The following MALRD1 variants were observed in gnomAD, a reference collection of about 807,000 sequenced individuals.
MALRD1 encodes the protein MAM and LDL-receptor class A domain-containing protein 1.
MALRD1 carries 247 observed loss-of-function variants against 242.1 expected under a neutral mutation model. The observed-to-expected ratio is 1.02, with a 90% CI of 0.92 to 1.13. The LOEUF is 1.13. Among genes scored for constraint, MALRD1 ranks in the 50% most tolerant of loss-of-function variants. The probability of loss-of-function intolerance (pLI) is 0.00; values close to 1 mark genes in which losing one functional copy is unlikely to be tolerated. For missense variants in MALRD1, 2,989 were observed against 2,533.1 expected (o/e 1.18, Z -3.86); for synonymous variants, 995 against 866.6 (o/e 1.15, Z -2.60).
chr10:19,085,996 A>G (rs1835656666), intron 2 of MALRD1, among the ~76,000 whole-genome samples: 1 of 152,048 alleles, frequency 6.6e-6, no homozygotes, highest in South Asian at 2.1e-4. Context: ...TCACTTGCTT[A>G]ACATTTGTTT....
At chr10:19,361,671 A>G (rs777792106) in intron 26 of MALRD1, among the ~76,000 whole-genome samples, 5 of 152,128 alleles carry the variant, frequency 3.3e-5, no homozygotes, top group African/African-American at 4.8e-5. Context: ...TGACTTCTGT[A>G]TTGGTAGTCG....
At chr10:19,439,379 T>A (rs1834506731) in intron 28 of MALRD1, among the ~76,000 whole-genome samples, 1 of 151,940 alleles carries the variant, frequency 6.6e-6, no homozygotes, top group African/African-American at 2.4e-5. Context: ...CAAAAATAAA[T>A]TTTAAAAATA....
chr10:19,648,920 C>T (rs961315986), intron 36 of MALRD1, among the ~76,000 whole-genome samples: 23 of 152,162 alleles, frequency 1.5e-4, no homozygotes, highest in African/African-American at 5.5e-4. Flanking sequence ...ACCCTGGTGC[C>T]CGTTGTTTCC....
In MALRD1 at chr10:19,615,913, C is replaced by G; in HGVS notation, c.6127C>G (p.Pro2043Ala). Residue 2043 changes from proline (P) to alanine (A), a missense_variant, in exon 36 of 40, where the codon CCT (proline) becomes GCT (alanine). Physicochemically the swap from Pro to Ala is conservative, Grantham distance 27. Transcript: ENST00000454679. ...GGTCVVEKNG[P>A]MCRCRQGWKG... The stretch of plus-strand genomic sequence containing the variant: ...GACTTGTGTAGTGGAGAAAAATGGT[C>G]CTATGTGTCGGTAAGAAGCATTGTT... 6.5e-7 allele frequency: 1 copy of G among 1,528,438 alleles called. No homozygotes were observed. Among genetic ancestry groups the G allele is most frequent in the Non-Finnish European group, 8.7e-7 (1 of 1,143,068 alleles). The allele number at this position is 1,528,438 out of a possible 1,614,324, so 94.7% of individuals were successfully genotyped here.
intron 29 of MALRD1, among the ~76,000 whole-genome samples, chr10:19,455,314 A>G (rs765029585): frequency 6.6e-6 from 1 of 152,200 alleles, no homozygotes; most frequent in Non-Finnish European, 1.5e-5. Flanking sequence ...GAAATTTCAG[A>G]ACGTTACTTA....
At chr10:19,244,173 T>C (rs1171061599) in intron 18 of MALRD1, among the ~76,000 whole-genome samples, 2 of 152,216 alleles carry the variant, frequency 1.3e-5, no homozygotes, top group African/African-American at 4.8e-5. Context: ...TCACATCATG[T>C]TGTTTACATG....
intron 2 of MALRD1, among the ~76,000 whole-genome samples, chr10:19,080,743 G>A (rs1397814303): frequency 6.6e-6 from 1 of 151,944 alleles, no homozygotes; most frequent in Non-Finnish European, 1.5e-5. Context: ...GAAAGCAATA[G>A]CACCAAAAGC....
chr10:19,221,926 G>A (rs1442404283), intron 18 of MALRD1, among the ~76,000 whole-genome samples: 3 of 152,224 alleles, frequency 2.0e-5, no homozygotes, highest in East Asian at 3.9e-4. Context: ...AAGAAAACAC[G>A]TGGATTTGTG....
chr10:19,082,083 T>A (rs1267747799), intron 2 of MALRD1, among the ~76,000 whole-genome samples: 1 of 151,862 alleles, frequency 6.6e-6, no homozygotes, highest in Non-Finnish European at 1.5e-5. Flanking sequence ...CTTATTTTTT[T>A]CTTATTACTC....
At chr10:19,370,715 C>T (rs949192746) in intron 26 of MALRD1, among the ~76,000 whole-genome samples, 1 of 151,880 alleles carries the variant, frequency 6.6e-6, no homozygotes, top group African/African-American at 2.4e-5. Context: ...GTACCTGAAA[C>T]TACAGGGACA....
At chr10:19,119,372 C>T (rs975123968) in intron 5 of MALRD1, among the ~76,000 whole-genome samples, 1 of 152,128 alleles carries the variant, frequency 6.6e-6, no homozygotes, top group African/African-American at 2.4e-5. Context: ...TCACGCAGAG[C>T]CGGCTATGTG....
At chr10:19,531,500 T>A in intron 32 of MALRD1, 149 bp downstream of exon 32, 1 of 780,986 alleles carries the variant, frequency 1.3e-6, no homozygotes, top group Non-Finnish European at 1.9e-6. Flanking sequence ...CAGTGGGACT[T>A]TGGCAAGCTG....
chr10:19,324,616 A>G (rs1843041133), intron 22 of MALRD1, among the ~76,000 whole-genome samples: 1 of 151,900 alleles, frequency 6.6e-6, no homozygotes, highest in Non-Finnish European at 1.5e-5. Context: ...TTTTAAAAAA[A>G]AACGAGTTGT....
chr10:19,520,774 C>T (rs1194516175), intron 31 of MALRD1, among the ~76,000 whole-genome samples: 1 of 152,108 alleles, frequency 6.6e-6, no homozygotes, highest in African/African-American at 2.4e-5. Flanking sequence ...TGATTATCTA[C>T]AGCTGCTCTA....
intron 26 of MALRD1, among the ~76,000 whole-genome samples, chr10:19,383,388 T>C (rs1360216064): frequency 6.6e-6 from 1 of 152,176 alleles, no homozygotes; most frequent in African/African-American, 2.4e-5. Flanking sequence ...AATCTCATTC[T>C]ATTTTATAGT....
At chr10:19,306,705 A>T (rs1030211572) in intron 21 of MALRD1, among the ~76,000 whole-genome samples, 4 of 151,362 alleles carry the variant, frequency 2.6e-5, no homozygotes, top group African/African-American at 7.3e-5. Flanking sequence ...AAGAGGTTTA[A>T]TTGACTCACA....
At position 19,133,896 on chromosome 10, in the gene MALRD1, G is replaced by A. The variant is rs1833216815; in HGVS notation, c.1151G>A (p.Ser384Asn). 3 of 1,230,982 alleles carry A rather than the reference G, an allele frequency of 2.4e-6. No individual in the cohort carries two copies. Among genetic ancestry groups the A allele is most frequent in the Non-Finnish European group, 3.0e-6 (3 of 987,556 alleles). 76.3% of individuals were successfully genotyped at this position (1,230,982 alleles called of 1,614,324 possible). Residue 384 changes from serine (S) to asparagine (N), a missense_variant, in exon 9 of 40, where the codon AGC (serine) becomes AAC (asparagine). By Grantham distance (46) the Ser-to-Asn change is conservative. Coordinates refer to ENST00000454679, the MANE Select transcript of MALRD1 (RefSeq NM_001142308.3). ...TGGACATACAACATATCAACTCACA[G>A]CCAATGGGTGAAAGCAGATGTGTTA... ...IFWTYNISTH[S>N]QWVKADVLIP...
intron 2 of MALRD1, among the ~76,000 whole-genome samples, chr10:19,070,464 C>T (rs1835109778): frequency 6.6e-6 from 1 of 152,048 alleles, no homozygotes; most frequent in Admixed American, 6.6e-5. Flanking sequence ...GCAGAAAAAT[C>T]CTAAGTGGAA....
chr10:19,523,804 G>A (rs1335273332), intron 31 of MALRD1, among the ~76,000 whole-genome samples: 1 of 151,762 alleles, frequency 6.6e-6, no homozygotes, highest in Non-Finnish European at 1.5e-5. Context: ...CTTCATTTTT[G>A]TATCAGATTA....
Sources: gnomAD v4.1 joint callset for allele counts (sites outside exome capture counted in the v4.1 genomes callset) on GRCh38, gnomAD v4.1.1 for gene constraint, MANE v1.5 for transcripts, NCBI Gene and HGNC (gene_info 2026-07-23, HGNC 2026-07-21) for gene names.